Variants in GLG1 observed in about 807,000 individuals in gnomAD.
GLG1 encodes the protein golgi glycoprotein 1, also known as Golgi apparatus protein 1.
In GLG1, 38 loss-of-function variants were observed where a neutral mutation model predicts 160.5. That is an observed-to-expected ratio of 0.24 (90% CI 0.18 to 0.31). The LOEUF (loss-of-function observed/expected upper bound fraction) is 0.31. GLG1 is among the 10% of genes least tolerant of loss of function. The probability of loss-of-function intolerance (pLI) is 1.00; values close to 1 mark genes in which losing one functional copy is unlikely to be tolerated. For missense variants in GLG1, 1,373 were observed against 1,505.2 expected, an observed-to-expected ratio of 0.91 and a Z score of 1.45; for synonymous variants, 644 against 543.4, an observed-to-expected ratio of 1.19 and a Z score of -2.57.
At chr16:74,501,147 G>C (rs999181706) in intron 4 of GLG1, among the ~76,000 whole-genome samples, 9 of 152,218 alleles carry the variant, frequency 5.9e-5, no homozygotes, top group African/African-American at 2.2e-4. Flanking sequence ...TGAATAACTG[G>C]CTTCAGAAAA....
At chr16:74,473,948 C>T (rs1235134221) in intron 13 of GLG1, among the ~76,000 whole-genome samples, 1 of 151,810 alleles carries the variant, frequency 6.6e-6, no homozygotes, top group Non-Finnish European at 1.5e-5. Context: ...TGAAGTACTG[C>T]TGCTATTTTT....
At chr16:74,540,935 A>G (rs2017846182) in intron 1 of GLG1, among the ~76,000 whole-genome samples, 2 of 152,182 alleles carry the variant, frequency 1.3e-5, no homozygotes, top group South Asian at 2.1e-4. Flanking sequence ...AAGTGGCGCT[A>G]ATGTTTATAA....
chr16:74,550,052 A>G (rs1457553931), intron 1 of GLG1, among the ~76,000 whole-genome samples: 2 of 152,268 alleles, frequency 1.3e-5, no homozygotes, highest in Non-Finnish European at 1.5e-5. Context: ...GGGAAAGTTG[A>G]GGCTGCAATG....
At chr16:74,589,116 G>A (rs1958117761) in intron 1 of GLG1, among the ~76,000 whole-genome samples, 1 of 151,812 alleles carries the variant, frequency 6.6e-6, no homozygotes, top group Non-Finnish European at 1.5e-5. Context: ...TTAGACGGGC[G>A]TGGTGGCGTG....
At position 74,573,581 on chromosome 16, in the gene GLG1, CTTT is replaced by C. The variant is rs34868210; in HGVS notation, c.438+33073_438+33075del. On this transcript the variant is annotated intron_variant, in intron 1 of 25. Coordinates refer to ENST00000422840, the MANE Select transcript of GLG1 (RefSeq NM_001145667.2). The stretch of plus-strand genomic sequence containing the variant: ...TTCCTTCCCCTTTTATTTATCTTGC[CTTT>C]TTTTTTTTTTTTTTTTTTTTAAATA... 4.4e-3 allele frequency among the ~76,000 whole-genome samples: 450 copies of C among 102,650 alleles called. 2 individuals are homozygous for C. The highest frequency in any genetic ancestry group is 0.012 in the African/African-American group (295 of 25,122). 67.3% of individuals were successfully genotyped at this position (102,650 alleles called of 152,430 possible). A position where few individuals can be genotyped will look rare whatever the true frequency, so the allele number is the denominator to read the frequency against.
intron 2 of GLG1, among the ~76,000 whole-genome samples, chr16:74,510,824 T>G (rs188789655): frequency 1.3e-5 from 2 of 152,118 alleles, no homozygotes; most frequent in African/African-American, 4.8e-5. Context: ...GATCAAGTAA[T>G]TGGCTAATGG....
In GLG1 at chr16:74,586,214, T is replaced by C. The variant is rs542247472; in HGVS notation, c.438+20443A>G. ...CTAGGAAACGAATGGAACCACAAGA[T>C]AAAAGGAACCTGGGTCTCTGGATCA... is the stretch of plus-strand genomic sequence containing the variant. On this transcript the variant is annotated intron_variant, in intron 1 of 25. Transcript: ENST00000422840. Among the ~76,000 whole-genome samples, 15 of 152,070 alleles carry C rather than the reference T, an allele frequency of 9.9e-5. 1 individual carries two copies. The highest frequency in any genetic ancestry group is 3.6e-4 in the African/African-American group (15 of 41,480).
At chr16:74,603,633 C>G (rs527580875) in intron 1 of GLG1, among the ~76,000 whole-genome samples, 1 of 151,058 alleles carries the variant, frequency 6.6e-6, no homozygotes, top group Non-Finnish European at 1.5e-5. Flanking sequence ...AAATACAAGA[C>G]ACTAGTGGAA....
rs1474354977 is a variant in GLG1, at chr16:74,450,477, G to T, written c.*2690C>A. 1.3e-5 allele frequency: 2 copies of T among 152,202 alleles called. No individual in the cohort carries two copies. Among genetic ancestry groups the T allele is most frequent in the Admixed American group, 1.3e-4 (2 of 15,284 alleles). The allele number at this position is 152,202 out of a possible 1,614,324, so 9.4% of individuals were successfully genotyped here. A position where few individuals can be genotyped will look rare whatever the true frequency, so the allele number is the denominator to read the frequency against. On this transcript the variant is annotated 3_prime_UTR_variant, in exon 26 of 26. Transcript: ENST00000422840. ...AGTCATTGGAAAATGCTCCAAGTAA[G>T]ATGATGAAAGACATTCTTGTAATAA...
At chr16:74,471,683 T>G (rs992597500) in intron 14 of GLG1, among the ~76,000 whole-genome samples, 40 of 152,218 alleles carry the variant, frequency 2.6e-4, no homozygotes, top group Middle Eastern at 3.4e-3. Context: ...TAGGAGACAG[T>G]TGGAAGAAGG....
chr16:74,520,370 C>G (rs569001727), intron 2 of GLG1, among the ~76,000 whole-genome samples: 65 of 152,300 alleles, frequency 4.3e-4, no homozygotes, highest in African/African-American at 1.5e-3. Context: ...GAGACGGTGG[C>G]TCACACCTGT....
intron 1 of GLG1, among the ~76,000 whole-genome samples, chr16:74,558,838 T>G (rs2018424626): frequency 6.6e-6 from 1 of 152,176 alleles, no homozygotes; most frequent in African/African-American, 2.4e-5. Flanking sequence ...AAAATAAAAT[T>G]TAACCTAATT....
At chr16:74,514,660 C>G (rs1179081987) in intron 2 of GLG1, among the ~76,000 whole-genome samples, 1 of 152,182 alleles carries the variant, frequency 6.6e-6, no homozygotes, top group Non-Finnish European at 1.5e-5. Context: ...TGGATAGGAA[C>G]AACCGGTACC....
intron 1 of GLG1, among the ~76,000 whole-genome samples, chr16:74,568,725 A>G (rs1400121842): frequency 1.3e-5 from 2 of 152,184 alleles, no homozygotes; most frequent in African/African-American, 2.4e-5. Context: ...GCCTGTACGT[A>G]TATTTTCTAT....
Position 74,607,049 on chromosome 16 carries a change from C to G in GLG1, c.46G>C (p.Ala16Pro). ...RVRRMFRLSAALHLLLLFAAG... is the reference protein window; with the variant it reads ...RVRRMFRLSAPLHLLLLFAAG... ...GCGAATAGCAGCAGCAGATGCAGCGCCGCCGACAAGCGGAACATCCTCCGT... is the reference window on the plus strand; with the variant it reads ...GCGAATAGCAGCAGCAGATGCAGCGGCGCCGACAAGCGGAACATCCTCCGT... Residue 16 changes from alanine to proline, a missense_variant, in exon 1 of 26, where the codon GCG becomes CCG. Around this residue, in one of 4 missense-constraint regions of GLG1, gnomAD observed 322 missense variants for 254.6 expected, o/e 1.26. Coordinates refer to ENST00000422840, the MANE Select transcript of GLG1 (RefSeq NM_001145667.2). 1 of 1,590,270 alleles carries G rather than the reference C, an allele frequency of 6.3e-7. No individual in the cohort carries two copies.
At position 74,508,990 on chromosome 16, in the gene GLG1, T is replaced by C. The variant is rs1429676660; in HGVS notation, c.472-65A>G. 8.3e-6 allele frequency: 6 copies of C among 725,686 alleles called. No homozygotes were observed. In the Admixed American group the frequency reaches 1.0e-4, roughly 13 times the overall value. 45.0% of individuals were successfully genotyped at this position (725,686 alleles called of 1,614,324 possible). On this transcript the variant is annotated intron_variant, in intron 2 of 25. Coordinates refer to ENST00000422840, the MANE Select transcript of GLG1 (RefSeq NM_001145667.2). ...AGTTAGAACAGTACGAAATTTATTA[T>C]CAACGTTAAATGACAAAAGCCAATT... is the stretch of plus-strand genomic sequence containing the variant.
chr16:74,584,702 G>A (rs1191432321), intron 1 of GLG1, among the ~76,000 whole-genome samples: 1 of 151,896 alleles, frequency 6.6e-6, no homozygotes, highest in Non-Finnish European at 1.5e-5. Context: ...GTGGTCACAA[G>A]GTCAAGAGAT....
In GLG1 at chr16:74,451,710, C is replaced by T; in HGVS notation, c.*1457G>A. The T allele has an allele frequency of 3.5e-6, 1 of 288,688 alleles. No homozygotes were observed. The highest frequency in any genetic ancestry group is 6.8e-6 in the Non-Finnish European group (1 of 148,004). The allele number at this position is 288,688 out of a possible 1,614,324, so 17.9% of individuals were successfully genotyped here. On this transcript the variant is annotated 3_prime_UTR_variant, in exon 26 of 26. Transcript: ENST00000422840. ...CTGTACACACTGCTCTCTTGTGCAG[C>T]CACTGTGATCTCATGCCCCAAACTC...
intron 1 of GLG1, among the ~76,000 whole-genome samples, chr16:74,574,245 G>C (rs2018922768): frequency 6.6e-6 from 1 of 152,168 alleles, no homozygotes; most frequent in Admixed American, 6.5e-5. Context: ...TAAATTCAGA[G>C]GGTGTTCACA....
Sources: gnomAD v4.1 joint callset for allele counts (sites outside exome capture counted in the v4.1 genomes callset) on GRCh38, gnomAD v4.1.1 for gene constraint, gnomAD v4.1.1 regional missense constraint, MANE v1.5 for transcripts, NCBI Gene and HGNC (gene_info 2026-07-23, HGNC 2026-07-21) for gene names.